The following UNC5C variants were observed in gnomAD, a reference collection of about 807,000 sequenced individuals.
UNC5C encodes the protein netrin receptor UNC5C.
Under a neutral mutation model 99.8 loss-of-function variants are expected in UNC5C, and 47 were observed. That is an observed-to-expected ratio of 0.47 (90% CI 0.37 to 0.60). The LOEUF (loss-of-function observed/expected upper bound fraction) is 0.60, where lower values mean the gene tolerates loss of function less well. Among genes scored for constraint, UNC5C ranks in the 20% least tolerant of loss-of-function variants. The pLI, the probability that UNC5C is intolerant of heterozygous loss-of-function variation, is 0.00. For missense variants in UNC5C, 1,062 were observed against 1,165.9 expected, an observed-to-expected ratio of 0.91 and a Z score of 1.30; for synonymous variants, 487 against 452.2, an observed-to-expected ratio of 1.08 and a Z score of -0.98.
At chr4:95,304,361 G>T (rs10049946) in intron 2 of UNC5C, among the ~76,000 whole-genome samples, 103,013 of 151,850 alleles carry the variant, frequency 0.68, 35,139 homozygotes, top group East Asian at 0.85. Context: ...AGTAGATTAT[G>T]TTAGCCAATG....
chr4:95,336,606 T>C (rs1743359349), intron 1 of UNC5C, among the ~76,000 whole-genome samples: 1 of 151,934 alleles, frequency 6.6e-6, no homozygotes, highest in African/African-American at 2.4e-5. Flanking sequence ...GCCATTGGTA[T>C]AGTGGACATC....
chr4:95,256,562 G>A (rs549475613), intron 4 of UNC5C, among the ~76,000 whole-genome samples: 3 of 151,832 alleles, frequency 2.0e-5, no homozygotes, highest in African/African-American at 7.2e-5. Flanking sequence ...TGCAAACACT[G>A]TTTGTCTTAT....
In UNC5C at chr4:95,312,817, A is replaced by T. The variant is rs559080722; in HGVS notation, c.347-11068T>A. Among the ~76,000 whole-genome samples, 6 of 152,306 alleles carry T rather than the reference A, an allele frequency of 3.9e-5. No homozygotes were observed. In the South Asian group the frequency reaches 1.2e-3, roughly 32 times the overall value. On this transcript the variant is annotated intron_variant, in intron 2 of 15. Coordinates refer to ENST00000453304, the MANE Select transcript of UNC5C (RefSeq NM_003728.4). ...TTGGTCAGAAGTTCTGTAGTAAAGAAGTCTGTTTAGTACAGATTAGCATCA... is the reference window on the plus strand; with the variant it reads ...TTGGTCAGAAGTTCTGTAGTAAAGATGTCTGTTTAGTACAGATTAGCATCA...
chr4:95,399,404 A>T (rs1340152996), intron 1 of UNC5C, among the ~76,000 whole-genome samples: 1 of 152,196 alleles, frequency 6.6e-6, no homozygotes, highest in East Asian at 1.9e-4. Flanking sequence ...TTAAAAATGC[A>T]AAAGATTGTT....
intron 7 of UNC5C, among the ~76,000 whole-genome samples, chr4:95,231,748 G>A (rs964090738): frequency 4.6e-5 from 7 of 152,264 alleles, no homozygotes; most frequent in Admixed American, 4.6e-4. Flanking sequence ...CATCAGGGCT[G>A]CACTAATGAT....
In UNC5C at chr4:95,288,063, A is replaced by ATTTATTTAT. The variant is rs1553960806; in HGVS notation, c.491-9702_491-9701insATAAATAAA. On this transcript the variant is annotated intron_variant, in intron 3 of 15. Coordinates refer to ENST00000453304, the MANE Select transcript of UNC5C (RefSeq NM_003728.4). ...ATAGTCCAACCCCCTCACTTTACAG[A>ATTTATTTAT]TTATTTATTTATTTATTTATTTATT... Among the ~76,000 whole-genome samples, 31 of 143,240 alleles carry ATTTATTTAT rather than the reference A, an allele frequency of 2.2e-4. 1 individual carries two copies. The South Asian group carries it at 6.4e-3, about 30-fold the overall frequency. The allele number at this position is 143,240 out of a possible 152,430, so 94.0% of individuals were successfully genotyped here. A position where few individuals can be genotyped will look rare whatever the true frequency, so the allele number is the denominator to read the frequency against.
intron 1 of UNC5C, among the ~76,000 whole-genome samples, chr4:95,406,792 T>C (rs989284865): frequency 6.6e-6 from 1 of 152,194 alleles, no homozygotes; most frequent in Non-Finnish European, 1.5e-5. Flanking sequence ...AATCTTAAGG[T>C]TTCAAAATGT....
chr4:95,244,605 T>C (rs1739434813), intron 6 of UNC5C, among the ~76,000 whole-genome samples: 1 of 152,346 alleles, frequency 6.6e-6, no homozygotes, highest in East Asian at 1.9e-4. Context: ...TCAGTTCCAA[T>C]TAATTTCTAC....
intron 12 of UNC5C, among the ~76,000 whole-genome samples, chr4:95,201,533 C>T (rs1444245963): frequency 3.3e-5 from 5 of 152,232 alleles, no homozygotes; most frequent in East Asian, 1.9e-4. Flanking sequence ...TCTCTCTGGC[C>T]GTAAAGGTCC....
intron 3 of UNC5C, among the ~76,000 whole-genome samples, chr4:95,279,241 G>T (rs1440247270): frequency 1.3e-5 from 2 of 152,150 alleles, no homozygotes; most frequent in African/African-American, 4.8e-5. Context: ...ACAGTCCCAA[G>T]ATATCACTAC....
intron 1 of UNC5C, among the ~76,000 whole-genome samples, chr4:95,476,003 G>C (rs897334592): frequency 1.2e-4 from 18 of 152,186 alleles, no homozygotes; most frequent in Admixed American, 2.6e-4. Context: ...AGTTAGATAA[G>C]TAAATATTTT....
Position 95,202,826 on chromosome 4 carries a change from G to T in UNC5C, c.2041C>A (p.Arg681Ser). The T allele has an allele frequency of 1.2e-6, 2 of 1,614,204 alleles. No individual in the cohort carries two copies. Among genetic ancestry groups the T allele is most frequent in the Non-Finnish European group, 1.7e-6 (2 of 1,180,040 alleles). Reference sequence around the variant, plus strand: ...GGCCCAAAGATGGCCAGCTTGAGGCGCTTCGCAGCCGCTTTGGTGGTGGAA... The same window carrying T: ...GGCCCAAAGATGGCCAGCTTGAGGCTCTTCGCAGCCGCTTTGGTGGTGGAA... ...GHSTTKAAAK[R>S]LKLAIFGPLC... is the part of the protein sequence containing the mutation. The change falls in exon 12 of 16, where the codon CGC (arginine) becomes AGC (serine). Residue 681 changes from arginine (R) to serine (S), a missense_variant. Arg to Ser is a moderately radical substitution (Grantham distance 110). Coordinates refer to ENST00000453304, the MANE Select transcript of UNC5C (RefSeq NM_003728.4).
At chr4:95,171,142 A>G (rs879914591) in intron 14 of UNC5C, among the ~76,000 whole-genome samples, 19 of 152,188 alleles carry the variant, frequency 1.2e-4, no homozygotes, top group Non-Finnish European at 2.5e-4. Flanking sequence ...AAGCAAAAGC[A>G]AATGGTGCCT....
At chr4:95,388,632 G>A (rs576335064) in intron 1 of UNC5C, among the ~76,000 whole-genome samples, 17 of 152,080 alleles carry the variant, frequency 1.1e-4, no homozygotes, top group Non-Finnish European at 2.1e-4. Context: ...GGTTCCACTA[G>A]TCTTGTAGAG....
At chr4:95,263,221 A>G (rs1740311953) in intron 4 of UNC5C, among the ~76,000 whole-genome samples, 1 of 152,228 alleles carries the variant, frequency 6.6e-6, no homozygotes, top group African/African-American at 2.4e-5. Context: ...CTTTAAGTCA[A>G]CAATTCTTTT....
intron 2 of UNC5C, among the ~76,000 whole-genome samples, chr4:95,334,420 T>A (rs4699421): frequency 0.39 from 59,377 of 151,818 alleles, 13,477 homozygotes; most frequent in East Asian, 0.83. Context: ...ATGCTTGATA[T>A]TCTTTGGCTT....
chr4:95,477,926 C>T (rs1720992044), intron 1 of UNC5C, among the ~76,000 whole-genome samples: 1 of 151,848 alleles, frequency 6.6e-6, no homozygotes. Context: ...GTCTCTGGGA[C>T]CAATTAATAG....
chr4:95,292,282 T>G (rs1185822447), intron 3 of UNC5C, among the ~76,000 whole-genome samples: 6 of 148,132 alleles, frequency 4.1e-5, no homozygotes, highest in Non-Finnish European at 8.9e-5. Context: ...TTTTTTGTTT[T>G]TTTTTGAGAT....
intron 1 of UNC5C, among the ~76,000 whole-genome samples, chr4:95,340,340 G>A (rs1743520078): frequency 6.6e-6 from 1 of 152,010 alleles, no homozygotes; most frequent in African/African-American, 2.4e-5. Flanking sequence ...CCTCTGAAAT[G>A]GAATTTACTT....
Sources: allele counts gnomAD v4.1 joint callset (sites outside exome capture counted in the v4.1 genomes callset), GRCh38; gene constraint gnomAD v4.1.1; transcripts MANE v1.5; gene names NCBI Gene and HGNC (gene_info 2026-07-23, HGNC 2026-07-21).